The following ANKRD44 variants were observed in gnomAD, a reference collection of about 807,000 sequenced individuals.
ANKRD44 encodes serine/threonine-protein phosphatase 6 regulatory ankyrin repeat subunit B.
Under a neutral mutation model 116.0 loss-of-function variants are expected in ANKRD44, and 35 were observed. That is an observed-to-expected ratio of 0.30 (90% CI 0.23 to 0.40). ANKRD44 has a LOEUF of 0.40. Ranked by LOEUF, ANKRD44 falls within the 10% of genes least tolerant of loss-of-function variation. ANKRD44 has a pLI of 1.00. For missense variants in ANKRD44, 1,014 were observed against 1,242.6 expected (o/e 0.82, Z 2.77); for synonymous variants, 435 against 461.8 (o/e 0.94, Z 0.74).
intron 16 of ANKRD44, among the ~76,000 whole-genome samples, chr2:197,034,848 A>G (rs2076779443): frequency 6.6e-6 from 1 of 152,182 alleles, no homozygotes; most frequent in African/African-American, 2.4e-5. Context: ...AGAAGGCAGT[A>G]CAACAGTGCA....
chr2:197,190,309 T>G (rs942000098), intron 1 of ANKRD44, among the ~76,000 whole-genome samples: 4 of 152,218 alleles, frequency 2.6e-5, no homozygotes, highest in Admixed American at 2.0e-4. Context: ...CCTTGCTATA[T>G]GGACATCTCT....
At chr2:197,222,707 T>A (rs1475001765) in intron 1 of ANKRD44, among the ~76,000 whole-genome samples, 1 of 152,232 alleles carries the variant, frequency 6.6e-6, no homozygotes, top group Non-Finnish European at 1.5e-5. Flanking sequence ...TGTTCCTCCA[T>A]CAGATTTCCT....
intron 16 of ANKRD44, among the ~76,000 whole-genome samples, chr2:197,065,114 T>C (rs541169202): frequency 1.5e-3 from 221 of 152,284 alleles, no homozygotes; most frequent in Non-Finnish European, 2.7e-3. Flanking sequence ...TCTCAGACCA[T>C]AATGCAATCA....
At chr2:197,133,486 G>A (rs1574518166) in intron 4 of ANKRD44, among the ~76,000 whole-genome samples, 3 of 152,126 alleles carry the variant, frequency 2.0e-5, no homozygotes, top group South Asian at 2.1e-4. Flanking sequence ...TGCTTCCCTG[G>A]TTGAACCTCA....
intron 18 of ANKRD44, among the ~76,000 whole-genome samples, chr2:197,011,108 T>C (rs1271094770): frequency 6.6e-6 from 1 of 152,218 alleles, no homozygotes; most frequent in African/African-American, 2.4e-5. Context: ...TTTTTGTTCT[T>C]ACAATTACAC....
intron 1 of ANKRD44, among the ~76,000 whole-genome samples, chr2:197,303,547 C>A (rs2083977261): frequency 6.6e-6 from 1 of 152,152 alleles, no homozygotes; most frequent in South Asian, 2.1e-4. Flanking sequence ...ACAGATGTTT[C>A]CACAAGTCTC....
In ANKRD44 at chr2:196,989,350, A is replaced by G. The variant is rs1310859680; in HGVS notation, c.*241T>C. Reference sequence around the variant, plus strand: ...TGGTCAACTAGAAATCTGTGTCCTAAGAAATATAAAATACAACAAAGACTG... The same window carrying G: ...TGGTCAACTAGAAATCTGTGTCCTAGGAAATATAAAATACAACAAAGACTG... On this transcript the variant is annotated 3_prime_UTR_variant, in exon 28 of 28. Transcript: ENST00000282272. 3 of 1,069,254 alleles carry G rather than the reference A, an allele frequency of 2.8e-6. No individual in the cohort carries two copies. The African/African-American group carries it at 5.0e-5, about 18-fold the overall frequency. The allele number at this position is 1,069,254 out of a possible 1,614,324, so 66.2% of individuals were successfully genotyped here.
intron 17 of ANKRD44, among the ~76,000 whole-genome samples, chr2:197,016,269 T>C (rs949506031): frequency 1.3e-5 from 2 of 152,238 alleles, no homozygotes; most frequent in Non-Finnish European, 2.9e-5. Context: ...TAGATGTACA[T>C]TCCTGAGGTA....
At chr2:197,102,581 A>G (rs1238063923) in intron 9 of ANKRD44, among the ~76,000 whole-genome samples, 1 of 152,170 alleles carries the variant, frequency 6.6e-6, no homozygotes, top group East Asian at 1.9e-4. Context: ...ATGTTATAGA[A>G]GGACCATTTG....
intron 3 of ANKRD44, among the ~76,000 whole-genome samples, chr2:197,144,435 A>G (rs2079446835): frequency 6.6e-6 from 1 of 152,268 alleles, no homozygotes; most frequent in Non-Finnish European, 1.5e-5. Flanking sequence ...TAAAATCATC[A>G]TGCTCTTGCA....
intron 16 of ANKRD44, among the ~76,000 whole-genome samples, chr2:197,050,038 A>C (rs2077076474): frequency 6.6e-6 from 1 of 152,132 alleles, no homozygotes; most frequent in African/African-American, 2.4e-5. Flanking sequence ...GCTGTACAAG[A>C]AGCATGAGGC....
intron 1 of ANKRD44, among the ~76,000 whole-genome samples, chr2:197,309,518 C>T (rs2084175454): frequency 6.6e-6 from 1 of 152,184 alleles, no homozygotes. Flanking sequence ...TGGATACTAA[C>T]TGGAGAACGC....
chr2:197,213,825 T>C (rs2081378913), intron 1 of ANKRD44, among the ~76,000 whole-genome samples: 1 of 120,590 alleles, frequency 8.3e-6, no homozygotes, highest in Non-Finnish European at 1.6e-5. Flanking sequence ...GTAAACAAGC[T>C]TAGAACTCTT....
Position 197,246,350 on chromosome 2 carries a change from C to CTTTTTTTTTTTTTTTTT in ANKRD44, c.28-59261_28-59245dup, listed in dbSNP as rs67655796. Among the ~76,000 whole-genome samples the CTTTTTTTTTTTTTTTTT allele has an allele frequency of 3.0e-5, 2 of 65,868 alleles. 1 individual carries two copies. The highest frequency in any genetic ancestry group is 5.1e-4 in the Admixed American group (2 of 3,948). The allele number at this position is 65,868 out of a possible 152,430, so 43.2% of individuals were successfully genotyped here. On this transcript the variant is annotated intron_variant, in intron 1 of 27. Coordinates refer to ENST00000282272, the MANE Select transcript of ANKRD44 (RefSeq NM_001195144.2). The stretch of plus-strand genomic sequence containing the variant: ...TACAAGTATGCACCACTACATCTGG[C>CTTTTTTTTTTTTTTTTT]TTTTTTTTTTTTTTTTTTTTTTTTT...
intron 16 of ANKRD44, among the ~76,000 whole-genome samples, chr2:197,034,828 A>G (rs2076779191): frequency 6.6e-6 from 1 of 152,096 alleles, no homozygotes; most frequent in African/African-American, 2.4e-5. Context: ...TGAAGAGAAT[A>G]TGGAGAGAAA....
intron 1 of ANKRD44, among the ~76,000 whole-genome samples, chr2:197,245,032 T>C (rs2082161468): frequency 2.0e-5 from 3 of 152,176 alleles, no homozygotes; most frequent in Admixed American, 2.0e-4. Flanking sequence ...TCCAGCACTT[T>C]GGGAGGCCAA....
rs182049053 is a variant in ANKRD44, at chr2:197,223,984, A to G, written c.28-36878T>C. ...ACAAACCCCGAAAAGTAGTAGATAC[A>G]TGTCCGTATGTGTTATAGAATGCAT... On this transcript the variant is annotated intron_variant, in intron 1 of 27. Coordinates refer to ENST00000282272, the MANE Select transcript of ANKRD44 (RefSeq NM_001195144.2). Among the ~76,000 whole-genome samples, 256 of 152,268 alleles carry G rather than the reference A, an allele frequency of 1.7e-3. 1 individual carries two copies. Among genetic ancestry groups the G allele is most frequent in the African/African-American group, 6.0e-3 (249 of 41,538 alleles).
intron 1 of ANKRD44, among the ~76,000 whole-genome samples, chr2:197,289,026 G>A (rs1165193632): frequency 1.3e-5 from 2 of 152,104 alleles, no homozygotes; most frequent in African/African-American, 4.8e-5. Flanking sequence ...ACAATATTTT[G>A]TATATTTCAA....
chr2:197,046,624 C>T (rs1328714457), intron 16 of ANKRD44, among the ~76,000 whole-genome samples: 2 of 126,196 alleles, frequency 1.6e-5, no homozygotes, highest in Non-Finnish European at 3.2e-5. Context: ...CCAGCCTGGG[C>T]GACAGAGCGA....
Sources: allele counts gnomAD v4.1 joint callset (sites outside exome capture counted in the v4.1 genomes callset), GRCh38; gene constraint gnomAD v4.1.1; transcripts MANE v1.5; gene names NCBI Gene and HGNC (gene_info 2026-07-23, HGNC 2026-07-21).